The following ZBTB7A variants were observed in gnomAD, a reference collection of about 807,000 sequenced individuals.
ZBTB7A encodes the protein zinc finger and BTB domain-containing protein 7A.
In ZBTB7A, 7 loss-of-function variants were observed where a neutral mutation model predicts 26.7. The observed-to-expected ratio is 0.26, with a 90% CI of 0.15 to 0.49. The LOEUF is 0.49. Ranked by LOEUF, ZBTB7A falls within the 20% of genes least tolerant of loss-of-function variation. The probability of loss-of-function intolerance (pLI) is 0.98; values close to 1 mark genes in which losing one functional copy is unlikely to be tolerated. For missense variants in ZBTB7A, 617 were observed against 919.5 expected (o/e 0.67, Z 4.25); for synonymous variants, 452 against 441.0 (o/e 1.02, Z -0.31).
rs2040513523 is a variant in ZBTB7A at position 4,052,427 on chromosome 19, C to T, written c.1262+1544G>A. 6.6e-6 allele frequency among the ~76,000 whole-genome samples: 1 copy of T among 152,146 alleles called. No homozygotes were observed. ...TACACTGCCTGCCTCCCAAAGTGCC[C>T]TTTGCCCCCTGCCTGGCACTCCTGG... On this transcript the variant is annotated intron_variant, in intron 2 of 2. Transcript: ENST00000322357. This position sits in a 1 kb window ranked among gnomAD's most constrained non-coding sequence, Gnocchi z 4.9.
At position 4,047,943 on chromosome 19, in the gene ZBTB7A, C is replaced by CG; in HGVS notation, c.1563dup (p.Ala522ArgfsTer18). The stretch of plus-strand genomic sequence containing the variant: ...CGGGCGTCGGGGGAGCTGGGCTGGG[C>CG]GGGGGCGCCGGGGGTCGCGGTGGCC... On this transcript the variant is annotated frameshift_variant, in exon 3 of 3. Transcript: ENST00000322357. LOFTEE classifies it low-confidence loss of function (END_TRUNC). 1 of 1,258,090 alleles carries CG rather than the reference C, an allele frequency of 7.9e-7. No homozygotes were observed. The highest frequency in any genetic ancestry group is 1.0e-6 in the Non-Finnish European group (1 of 967,304). 77.9% of individuals were successfully genotyped at this position (1,258,090 alleles called of 1,614,324 possible). A position where few individuals can be genotyped will look rare whatever the true frequency, so the allele number is the denominator to read the frequency against.
rs1205365975 is a variant in ZBTB7A at position 4,052,656 on chromosome 19, C to T, written c.1262+1315G>A. 6.6e-6 allele frequency among the ~76,000 whole-genome samples: 1 copy of T among 152,114 alleles called. No homozygotes were observed. The highest frequency in any genetic ancestry group is 2.4e-5 in the African/African-American group (1 of 41,440). On this transcript the variant is annotated intron_variant, in intron 2 of 2. Coordinates refer to ENST00000322357, the MANE Select transcript of ZBTB7A (RefSeq NM_015898.4). The surrounding 1 kb of genome is among the most constrained non-coding windows in gnomAD (Gnocchi z 4.9). ...AGGGGGTGGTGCTGAGTCACCCAGC[C>T]TGGCCAGGTCCCTGCCTGCCAGCCC... is the stretch of plus-strand genomic sequence containing the variant.
In ZBTB7A at chr19:4,055,029, C is replaced by G. The variant is rs532866465; in HGVS notation, c.204G>C (p.Val68=). 5.0e-6 allele frequency: 8 copies of G among 1,610,572 alleles called. No homozygotes were observed. In the East Asian group the frequency reaches 1.8e-4, roughly 36 times the overall value. ...YFKKLFTSGA[V]VDQQNVYEID... is the part of the protein sequence containing the mutation. Reference sequence around the variant, plus strand: ...TCTCGTACACGTTCTGCTGGTCCACCACGGCGCCCGACGTGAACAGCTTCT... The same window carrying G: ...TCTCGTACACGTTCTGCTGGTCCACGACGGCGCCCGACGTGAACAGCTTCT... Residue 68 remains valine (V), a synonymous_variant, in exon 2 of 3, where the codon GTG becomes GTC. Coordinates refer to ENST00000322357, the MANE Select transcript of ZBTB7A (RefSeq NM_015898.4).
chr19:4,054,693 AGCGGCGGCG>A lies in ZBTB7A; in HGVS notation c.531_539del (p.Ala179_Ala181del). ...CAAAGGCGGACCACGGGAAGCTGGC[AGCGGCGGCG>A]GCGGCCGCGGGGGGCAGGCTGTTCA... On this transcript the variant is annotated inframe_deletion, in exon 2 of 3. Coordinates refer to ENST00000322357, the MANE Select transcript of ZBTB7A (RefSeq NM_015898.4). The A allele has an allele frequency of 6.3e-7, 1 of 1,588,270 alleles. No individual in the cohort carries two copies. Among genetic ancestry groups the A allele is most frequent in the Non-Finnish European group, 8.6e-7 (1 of 1,167,748 alleles).
chr19:4,060,018 C>T (rs921995625), intron 1 of ZBTB7A, among the ~76,000 whole-genome samples: 1 of 152,138 alleles, frequency 6.6e-6, no homozygotes. Context: ...CCCTGCCGGC[C>T]AGGGTCCCCT....
Position 4,054,545 on chromosome 19 carries a change from G to T in ZBTB7A, c.688C>A (p.Pro230Thr). 6.8e-7 allele frequency: 1 copy of T among 1,460,614 alleles called. No individual in the cohort carries two copies. The highest frequency in any genetic ancestry group is 1.4e-5 in the South Asian group (1 of 70,648). The allele number at this position is 1,460,614 out of a possible 1,614,324, so 90.5% of individuals were successfully genotyped here. Residue 230 changes from proline (P) to threonine (T), a missense_variant, in exon 2 of 3, where the codon CCG becomes ACG. Coordinates refer to ENST00000322357, the MANE Select transcript of ZBTB7A (RefSeq NM_015898.4). ...YGPGPPAERP[P>T]TGDGDEGDSN... ...TCGCCCTCGTCCCCGTCCCCCGTCG[G>T]GGGCCGCTCGGCCGGGGGGCCCGGC...
intron 1 of ZBTB7A, among the ~76,000 whole-genome samples, chr19:4,060,053 GC>G (rs2040623297): frequency 6.6e-6 from 1 of 151,980 alleles, no homozygotes; most frequent in South Asian, 2.1e-4. Flanking sequence ...CCCACCCGGG[GC>G]CCCATCTTTC....
chr19:4,049,167 T>C (rs1373931356), intron 2 of ZBTB7A, among the ~76,000 whole-genome samples: 2 of 12,864 alleles, frequency 1.6e-4, no homozygotes, highest in South Asian at 1.8e-3. Context: ...TGTGTGTGTG[T>C]GTATATATAT....
At position 4,048,076 on chromosome 19, in the gene ZBTB7A, G is replaced by A. The variant is rs2040447033; in HGVS notation, c.1431C>T (p.Arg477=). Residue 477 remains arginine (R), a synonymous_variant, in exon 3 of 3, where the codon CGC becomes CGT. Transcript: ENST00000322357. The surrounding 1 kb of genome is among the most constrained non-coding windows in gnomAD (Gnocchi z 6.7). The part of the protein sequence containing the change: ...QCDSCCKTFV[R]SDHLHRHLKK... Reference sequence around the variant, plus strand: ...TGAGGTGTCTGTGCAGGTGGTCGGAGCGGACGAAGGTCTTGCAGCAGCTGT... The same window carrying A: ...TGAGGTGTCTGTGCAGGTGGTCGGAACGGACGAAGGTCTTGCAGCAGCTGT... 3 of 1,605,954 alleles carry A rather than the reference G, an allele frequency of 1.9e-6. No individual in the cohort carries two copies. The South Asian group carries it at 3.3e-5, about 18-fold the overall frequency.
chr19:4,050,687 T>C (rs2040493740), intron 2 of ZBTB7A, among the ~76,000 whole-genome samples: 1 of 152,172 alleles, frequency 6.6e-6, no homozygotes, highest in Admixed American at 6.5e-5. Flanking sequence ...ATGAGGATCG[T>C]GCACATTGAC....
intron 1 of ZBTB7A, among the ~76,000 whole-genome samples, chr19:4,056,382 A>G (rs892100376): frequency 6.6e-6 from 1 of 152,206 alleles, no homozygotes; most frequent in African/African-American, 2.4e-5. Context: ...AAATTTCACA[A>G]GCACACTGGC....
Position 4,054,795 on chromosome 19 carries a change from T to C in ZBTB7A, c.438A>G (p.Val146=), listed in dbSNP as rs2040556254. 6.3e-7 allele frequency: 1 copy of C among 1,587,988 alleles called. No homozygotes were observed. Among genetic ancestry groups the C allele is most frequent in the Non-Finnish European group, 8.6e-7 (1 of 1,166,828 alleles). Residue 146 remains valine (V), a synonymous_variant, in exon 2 of 3, where the codon GTA becomes GTG. Transcript: ENST00000322357. ...GGAGGTTGCGCTGATCAATTTGATC[T>C]ACAAGGTCCAGCTGCCCGGCGTCGG... is the stretch of plus-strand genomic sequence containing the variant. The part of the protein sequence containing the change: ...AGADAGQLDL[V]DQIDQRNLLR...
intron 2 of ZBTB7A, among the ~76,000 whole-genome samples, chr19:4,053,730 CTGTGCATGTG>C (rs1474853551): frequency 6.0e-5 from 9 of 149,644 alleles, no homozygotes; most frequent in African/African-American, 1.7e-4. Context: ...GCATACGCGT[CTGTGCATGTG>C]TGTGCATGTG....
Position 4,055,164 on chromosome 19 carries a change from C to A in ZBTB7A, c.69G>T (p.Gly23=), listed in dbSNP as rs1273704610. 6.2e-6 allele frequency: 10 copies of A among 1,605,888 alleles called. No individual in the cohort carries two copies. The highest frequency in any genetic ancestry group is 8.5e-6 in the Non-Finnish European group (10 of 1,177,290). Residue 23 remains glycine, a synonymous_variant, in exon 2 of 3, where the codon GGG becomes GGT. Coordinates refer to ENST00000322357, the MANE Select transcript of ZBTB7A (RefSeq NM_015898.4). ...GGCCCTGCGTCCGCTGCTCGTTCAG[C>A]CCACTCAGGATGTCGCTGCTGTGGT... ...FPDHSSDILS[G]LNEQRTQGLL... is the part of the protein sequence containing the mutation.
chr19:4,045,800 C>T lies in ZBTB7A; in HGVS notation c.*1952G>A, dbSNP rs926651299. 8 of 398,098 alleles carry T rather than the reference C, an allele frequency of 2.0e-5. No individual in the cohort carries two copies. The highest frequency in any genetic ancestry group is 3.5e-5 in the Non-Finnish European group (8 of 225,976). The allele number at this position is 398,098 out of a possible 1,614,324, so 24.7% of individuals were successfully genotyped here. On this transcript the variant is annotated 3_prime_UTR_variant, in exon 3 of 3. Transcript: ENST00000322357. This position sits in a 1 kb window ranked among gnomAD's most constrained non-coding sequence, Gnocchi z 4.1. ...CGGCCCCTGTCCGTGGCCTGTGGCT[C>T]GGTCAACACCGGGCCTTGTGGGAGC...
At position 4,043,782 on chromosome 19, in the gene ZBTB7A, T is replaced by C. The variant is rs2040376973; in HGVS notation, c.*3970A>G. ...TGCGAGCTAGTCTTAACTCTGAGGT[T>C]GTAGCTCCTGGGGCACCCCCAGCCT... On this transcript the variant is annotated 3_prime_UTR_variant, in exon 3 of 3. Transcript: ENST00000322357. Among the ~76,000 whole-genome samples the C allele has an allele frequency of 7.8e-6, 1 of 128,314 alleles. No individual in the cohort carries two copies. Among genetic ancestry groups the C allele is most frequent in the Non-Finnish European group, 1.6e-5 (1 of 62,594 alleles). 84.2% of individuals were successfully genotyped at this position (128,314 alleles called of 152,430 possible). A position where few individuals can be genotyped will look rare whatever the true frequency, so the allele number is the denominator to read the frequency against.
chr19:4,053,523 GC>G (rs2144987719), intron 2 of ZBTB7A, among the ~76,000 whole-genome samples: 1 of 151,042 alleles, frequency 6.6e-6, no homozygotes, highest in South Asian at 2.1e-4. Context: ...GTGCGTGCGT[GC>G]GTGCGTGCAT....
chr19:4,054,487 T>C lies in ZBTB7A; in HGVS notation c.746A>G (p.Glu249Gly). ...AAAGAGACCCCCGGTGGGGGCGTCC[T>C]CATCCCGCTCTGGCCACAGACCCGG... ...SNPGLWPERDEDAPTGGLFPP... is the reference protein window; with the variant it reads ...SNPGLWPERDGDAPTGGLFPP... The change falls in exon 2 of 3, where the codon GAG becomes GGG. Residue 249 changes from glutamate (E) to glycine (G), a missense_variant. By Grantham distance (98) the Glu-to-Gly change is moderately conservative (BLOSUM62 -2). Coordinates refer to ENST00000322357, the MANE Select transcript of ZBTB7A (RefSeq NM_015898.4). 2 of 1,390,658 alleles carry C rather than the reference T, an allele frequency of 1.4e-6. No individual in the cohort carries two copies. 86.1% of individuals were successfully genotyped at this position (1,390,658 alleles called of 1,614,324 possible).
intron 1 of ZBTB7A, among the ~76,000 whole-genome samples, chr19:4,066,301 G>T (rs2040695447): frequency 6.7e-6 from 1 of 149,522 alleles, no homozygotes; most frequent in Admixed American, 6.6e-5. Context: ...TCTTCAGCTG[G>T]AAACTTAGCA....
Sources: gnomAD v4.1 joint callset for allele counts (sites outside exome capture counted in the v4.1 genomes callset) on GRCh38, gnomAD v4.1.1 for gene constraint, Gnocchi (gnomAD v3.1) non-coding constraint, MANE v1.5 for transcripts, NCBI Gene and HGNC (gene_info 2026-07-23, HGNC 2026-07-21) for gene names.